The following LEMD3 variants were observed in gnomAD, a reference collection of about 807,000 sequenced individuals.
LEMD3 encodes the protein inner nuclear membrane protein Man1.
Under a neutral mutation model 95.2 loss-of-function variants are expected in LEMD3, and 33 were observed. The ratio of observed to expected loss-of-function variants is 0.35; its 90% confidence interval spans 0.26 to 0.46. LEMD3 has a LOEUF of 0.46. Among genes scored for constraint, LEMD3 ranks in the 20% least tolerant of loss-of-function variants. LEMD3 has a pLI of 1.00. For synonymous variants in LEMD3, 525 were observed against 474.6 expected (o/e 1.11, Z -1.38); for missense variants, 1,210 against 1,192.8 (o/e 1.01, Z -0.21).
At chr12:65,223,847 T>C (rs1175598644) in intron 4 of LEMD3, among the ~76,000 whole-genome samples, 2 of 150,200 alleles carry the variant, frequency 1.3e-5, no homozygotes, top group Non-Finnish European at 3.0e-5. Flanking sequence ...TTTTTTTTTT[T>C]GTAGTGACAA....
intron 1 of LEMD3, among the ~76,000 whole-genome samples, chr12:65,197,999 C>A (rs567597327): frequency 7.2e-5 from 11 of 152,032 alleles, no homozygotes; most frequent in African/African-American, 2.7e-4. Context: ...AAGTAGAAGA[C>A]CTATTGTATT....
At chr12:65,220,076 TG>T (rs1870237814) in intron 4 of LEMD3, among the ~76,000 whole-genome samples, 1 of 152,230 alleles carries the variant, frequency 6.6e-6, no homozygotes, top group African/African-American at 2.4e-5. Flanking sequence ...GAAGTGGGAT[TG>T]ATAGATAATA....
chr12:65,219,110 A>C (rs1870203498), intron 4 of LEMD3, among the ~76,000 whole-genome samples: 1 of 152,050 alleles, frequency 6.6e-6, no homozygotes, highest in African/African-American at 2.4e-5. Context: ...TTGTTTTAGA[A>C]CATTCTCTAT....
chr12:65,185,210 G>A (rs1266469224), intron 1 of LEMD3, among the ~76,000 whole-genome samples: 3 of 152,068 alleles, frequency 2.0e-5, no homozygotes, highest in African/African-American at 7.2e-5. Context: ...CATAAAAATT[G>A]TATGATTTTA....
intron 1 of LEMD3, among the ~76,000 whole-genome samples, chr12:65,177,778 A>C (rs967337378): frequency 1.3e-5 from 2 of 152,052 alleles, no homozygotes; most frequent in Non-Finnish European, 2.9e-5. Context: ...AAAGGTCCCG[A>C]ACTTGGTATC....
chr12:65,174,869 C>T (rs529251884), intron 1 of LEMD3, among the ~76,000 whole-genome samples: 98 of 152,200 alleles, frequency 6.4e-4, no homozygotes, highest in African/African-American at 2.3e-3. Flanking sequence ...TTGCTGGTAA[C>T]TTTTGGGGGC....
chr12:65,218,067 T>C lies in LEMD3; in HGVS notation c.1628-485T>C, dbSNP rs548602790. Among the ~76,000 whole-genome samples the C allele has an allele frequency of 1.2e-3, 187 of 152,370 alleles. 2 individuals are homozygous for C. The highest frequency in any genetic ancestry group is 4.4e-3 in the African/African-American group (183 of 41,588). Reference sequence around the variant, plus strand: ...CTGAAAATGCACATACTTTAATTCATTAATAAATTCAAACTTATTTGAACC... The same window carrying C: ...CTGAAAATGCACATACTTTAATTCACTAATAAATTCAAACTTATTTGAACC... On this transcript the variant is annotated intron_variant, in intron 3 of 12. Transcript: ENST00000308330.
chr12:65,215,592 T>G (rs1215492315), intron 2 of LEMD3, among the ~76,000 whole-genome samples: 1 of 152,094 alleles, frequency 6.6e-6, no homozygotes, highest in East Asian at 1.9e-4. Flanking sequence ...TGAGTTAGAT[T>G]AAAACAAGAC....
At position 65,169,621 on chromosome 12, in the gene LEMD3, C is replaced by A. The variant is rs1047174894; in HGVS notation, c.25C>A (p.Pro9Thr). 1 of 1,589,096 alleles carries A rather than the reference C, an allele frequency of 6.3e-7. No homozygotes were observed. Among genetic ancestry groups the A allele is most frequent in the South Asian group, 1.1e-5 (1 of 87,842 alleles). Residue 9 changes from proline to threonine, a missense_variant, in exon 1 of 13, where the codon CCT becomes ACT. Around this residue, in one of 2 missense-constraint regions of LEMD3, gnomAD observed 749 missense variants for 622.9 expected, o/e 1.20. Transcript: ENST00000308330. MAAAAASA[P>T]QQLSDEELFS... is the part of the protein sequence containing the mutation. Reference sequence around the variant, plus strand: ...AATGGCGGCGGCAGCAGCTTCGGCGCCTCAGCAGCTCTCGGATGAGGAGCT... The same window carrying A: ...AATGGCGGCGGCAGCAGCTTCGGCGACTCAGCAGCTCTCGGATGAGGAGCT...
chr12:65,185,685 A>G (rs905930571), intron 1 of LEMD3, among the ~76,000 whole-genome samples: 26 of 150,426 alleles, frequency 1.7e-4, no homozygotes, highest in African/African-American at 6.3e-4. Flanking sequence ...AATTTTATAT[A>G]TAATATATAT....
Position 65,210,950 on chromosome 12 carries a change from T to C in LEMD3, c.1547T>C (p.Phe516Ser), listed in dbSNP as rs760159217. The C allele has an allele frequency of 6.3e-7, 1 of 1,593,596 alleles. No homozygotes were observed. ...LSIENPFGETFGKIQESEKTL... is the reference protein window; with the variant it reads ...LSIENPFGETSGKIQESEKTL... ...GTAGAAAACCCCTTTGGTGAAACATTTGGAAAAATACAAGTAAGTAAACGA... is the reference window on the plus strand; with the variant it reads ...GTAGAAAACCCCTTTGGTGAAACATCTGGAAAAATACAAGTAAGTAAACGA... Residue 516 changes from phenylalanine (F) to serine (S), a missense_variant, in exon 2 of 13, where the codon TTT becomes TCT. Phe to Ser is a radical substitution (Grantham distance 155). This residue lies in a region of LEMD3 where 461 missense variants were observed against 569.8 expected (regional missense o/e 0.81). Coordinates refer to ENST00000308330, the MANE Select transcript of LEMD3 (RefSeq NM_014319.5).
chr12:65,187,593 TC>T (rs1456209020), intron 1 of LEMD3, among the ~76,000 whole-genome samples: 1 of 149,910 alleles, frequency 6.7e-6, no homozygotes, highest in Non-Finnish European at 1.5e-5. Context: ...TATTCCCACT[TC>T]CCCCCTTTAA....
rs1871167979 is a variant in LEMD3 at position 65,248,018 on chromosome 12, T to C, written c.*1693T>C. On this transcript the variant is annotated 3_prime_UTR_variant, in exon 13 of 13. Coordinates refer to ENST00000308330, the MANE Select transcript of LEMD3 (RefSeq NM_014319.5). ...TATCTGAGCTTAGTGACCCCCATCTTGTAACCTGTTGCAAGAGTGAATGTA... is the reference window on the plus strand; with the variant it reads ...TATCTGAGCTTAGTGACCCCCATCTCGTAACCTGTTGCAAGAGTGAATGTA... 1 of 152,542 alleles carries C rather than the reference T, an allele frequency of 6.6e-6. No individual in the cohort carries two copies. The highest frequency in any genetic ancestry group is 1.5e-5 in the Non-Finnish European group (1 of 68,006). 9.4% of individuals were successfully genotyped at this position (152,542 alleles called of 1,614,324 possible). A position where few individuals can be genotyped will look rare whatever the true frequency, so the allele number is the denominator to read the frequency against.
chr12:65,174,047 C>T (rs1592427445), intron 1 of LEMD3, among the ~76,000 whole-genome samples: 2 of 152,052 alleles, frequency 1.3e-5, no homozygotes, highest in Non-Finnish European at 2.9e-5. Context: ...TAGGGAAATA[C>T]GTTTACTTTG....
In LEMD3 at chr12:65,188,767, G is replaced by A. The variant is rs142251816; in HGVS notation, c.1522+17649G>A. 9.4e-4 allele frequency among the ~76,000 whole-genome samples: 143 copies of A among 152,242 alleles called. 1 individual carries two copies. Among genetic ancestry groups the A allele is most frequent in the African/African-American group, 3.3e-3 (138 of 41,548 alleles). On this transcript the variant is annotated intron_variant, in intron 1 of 12. Coordinates refer to ENST00000308330, the MANE Select transcript of LEMD3 (RefSeq NM_014319.5). ...CAGTATGGAATACAAAAGTCATGAT[G>A]TCAGGCTCATGGAAGAAGTATTCCT...
At chr12:65,221,802 G>A (rs1249805152) in intron 4 of LEMD3, among the ~76,000 whole-genome samples, 4 of 147,280 alleles carry the variant, frequency 2.7e-5, no homozygotes, top group African/African-American at 1.0e-4. Context: ...GTGCAGTGGT[G>A]TGATCTCTGC....
Position 65,171,009 on chromosome 12 carries a change from C to G in LEMD3, c.1413C>G (p.His471Gln), listed in dbSNP as rs1868531270. 4 of 1,614,108 alleles carry G rather than the reference C, an allele frequency of 2.5e-6. No homozygotes were observed. The highest frequency in any genetic ancestry group is 3.4e-6 in the Non-Finnish European group (4 of 1,180,042). The change falls in exon 1 of 13, where the codon CAC becomes CAG. Residue 471 changes from histidine (H) to glutamine (Q), a missense_variant. Coordinates refer to ENST00000308330, the MANE Select transcript of LEMD3 (RefSeq NM_014319.5). ...CCCCAACAGGGAGTTTCAGTGCCCACTACTTGTCGATGTTTCTCTTAACTG... is the reference window on the plus strand; with the variant it reads ...CCCCAACAGGGAGTTTCAGTGCCCAGTACTTGTCGATGTTTCTCTTAACTG... ...EVSPTGSFSA[H>Q]YLSMFLLTAA...
chr12:65,195,808 CAGAG>C (rs149136510), intron 1 of LEMD3, among the ~76,000 whole-genome samples: 2 of 152,032 alleles, frequency 1.3e-5, no homozygotes, highest in Non-Finnish European at 2.9e-5. Flanking sequence ...CTCTCTGGTG[CAGAG>C]AGAGAGACAA....
intron 1 of LEMD3, among the ~76,000 whole-genome samples, chr12:65,196,552 C>T (rs940568137): frequency 5.3e-5 from 8 of 152,080 alleles, no homozygotes; most frequent in Admixed American, 3.9e-4. Context: ...GAGTCCTTGT[C>T]TGCAGATGAA....
Sources: gnomAD v4.1 joint callset for allele counts (sites outside exome capture counted in the v4.1 genomes callset) on GRCh38, gnomAD v4.1.1 for gene constraint, gnomAD v4.1.1 regional missense constraint, MANE v1.5 for transcripts, NCBI Gene and HGNC (gene_info 2026-07-23, HGNC 2026-07-21) for gene names.